PITPNC1: variants seen among roughly 807,000 people sequenced by gnomAD.
PITPNC1 encodes the protein phosphatidylinositol transfer protein cytoplasmic 1.
A neutral mutation model predicts 44.7 loss-of-function variants in PITPNC1; 18 were observed. The ratio of observed to expected loss-of-function variants is 0.40; its 90% CI spans 0.28 to 0.60. The LOEUF (loss-of-function observed/expected upper bound fraction) is 0.60. Ranked by LOEUF, PITPNC1 falls within the 20% of genes least tolerant of loss-of-function variation. The pLI, the probability that PITPNC1 is intolerant of heterozygous loss-of-function variation, is 0.39. For missense variants in PITPNC1, 290 were observed against 418.4 expected (o/e 0.69, Z 2.68); for synonymous variants, 141 against 149.6 (o/e 0.94, Z 0.42).
At chr17:67,609,312 CAG>C (rs1220737412) in intron 5 of PITPNC1, among the ~76,000 whole-genome samples, 2 of 125,746 alleles carry the variant, frequency 1.6e-5, no homozygotes, top group Non-Finnish European at 3.2e-5. Flanking sequence ...TTTTTTGAGA[CAG>C]AGTCTCACTC....
At chr17:67,549,611 A>G (rs2040730834) in intron 2 of PITPNC1, among the ~76,000 whole-genome samples, 2 of 152,102 alleles carry the variant, frequency 1.3e-5, no homozygotes, top group African/African-American at 4.8e-5. Flanking sequence ...CTTCCAGAAA[A>G]TGACTGTGGC....
chr17:67,449,559 G>GA (rs1567994092), intron 1 of PITPNC1, among the ~76,000 whole-genome samples: 1 of 152,084 alleles, frequency 6.6e-6, no homozygotes, highest in Non-Finnish European at 1.5e-5. Flanking sequence ...AGATAGCAAA[G>GA]AAAAAAATCT....
intron 6 of PITPNC1, among the ~76,000 whole-genome samples, chr17:67,654,768 G>A (rs2042245175): frequency 6.6e-6 from 1 of 152,148 alleles, no homozygotes; most frequent in African/African-American, 2.4e-5. Context: ...GAGTAGCTGG[G>A]ACAACAGGAG....
chr17:67,473,321 A>C (rs1387896780), intron 1 of PITPNC1, among the ~76,000 whole-genome samples: 1 of 151,468 alleles, frequency 6.6e-6, no homozygotes, highest in African/African-American at 2.4e-5. Context: ...GGCGTGAGCC[A>C]CTTTACCTGG....
intron 5 of PITPNC1, among the ~76,000 whole-genome samples, chr17:67,596,763 A>C (rs1329739724): frequency 1.3e-5 from 2 of 152,170 alleles, no homozygotes; most frequent in African/African-American, 4.8e-5. Context: ...TCTGATTTCA[A>C]GACTGATTGT....
chr17:67,654,869 G>A (rs1352753951), intron 6 of PITPNC1, among the ~76,000 whole-genome samples: 1 of 152,148 alleles, frequency 6.6e-6, no homozygotes, highest in African/African-American at 2.4e-5. Context: ...TCCTGACCTC[G>A]TGATCTGCCC....
chr17:67,558,975 G>C (rs1382363639), intron 4 of PITPNC1, among the ~76,000 whole-genome samples: 1 of 152,166 alleles, frequency 6.6e-6, no homozygotes, highest in Non-Finnish European at 1.5e-5. Flanking sequence ...GTGAACCCGG[G>C]TTATCTGCCC....
intron 5 of PITPNC1, among the ~76,000 whole-genome samples, chr17:67,607,728 TTTC>T (rs1180013638): frequency 1.3e-5 from 2 of 149,024 alleles, no homozygotes; most frequent in African/African-American, 5.1e-5. Context: ...CTTTTTTTTC[TTTC>T]TTTTTTTTTT....
intron 5 of PITPNC1, among the ~76,000 whole-genome samples, chr17:67,591,211 A>G (rs944179051): frequency 1.3e-5 from 2 of 152,226 alleles, no homozygotes; most frequent in South Asian, 2.1e-4. Flanking sequence ...GGGATTCTAT[A>G]AAATAGCTGG....
chr17:67,546,774 G>A (rs1197308253), intron 2 of PITPNC1, among the ~76,000 whole-genome samples: 3 of 152,152 alleles, frequency 2.0e-5, no homozygotes, highest in African/African-American at 7.2e-5. Context: ...GCCAGTCCCT[G>A]CCGGGGAGGC....
rs3052411 is a variant in PITPNC1, at chr17:67,477,241, C to CT, written c.49-55539dup. On this transcript the variant is annotated intron_variant, in intron 1 of 8. Transcript: ENST00000581322. ...CAGGTGTGTGCCAACACACCCAGCT[C>CT]TTTTTTTTTTTTTTTTTTTTTTGAG... Among the ~76,000 whole-genome samples the CT allele has an allele frequency of 6.9e-3, 668 of 97,008 alleles. 14 individuals are homozygous for CT. The highest frequency in any genetic ancestry group is 8.4e-3 in the Non-Finnish European group (425 of 50,456). 63.6% of individuals were successfully genotyped at this position (97,008 alleles called of 152,430 possible). A position where few individuals can be genotyped will look rare whatever the true frequency, so the allele number is the denominator to read the frequency against.
At chr17:67,514,667 A>G (rs2040235056) in intron 1 of PITPNC1, among the ~76,000 whole-genome samples, 1 of 151,788 alleles carries the variant, frequency 6.6e-6, no homozygotes, top group African/African-American at 2.4e-5. Flanking sequence ...TCTACTAAAA[A>G]ATACAAAAAA....
At chr17:67,592,483 CAT>C (rs1441504216) in intron 5 of PITPNC1, among the ~76,000 whole-genome samples, 2 of 152,094 alleles carry the variant, frequency 1.3e-5, no homozygotes, top group Non-Finnish European at 2.9e-5. Context: ...ACAGGATTGT[CAT>C]AAATTGTAAA....
intron 6 of PITPNC1, among the ~76,000 whole-genome samples, chr17:67,643,884 C>T (rs1304515342): frequency 3.3e-5 from 5 of 152,158 alleles, no homozygotes; most frequent in Non-Finnish European, 7.3e-5. Context: ...CCGTGGAAAC[C>T]ATGTGTCTTT....
chr17:67,669,692 T>C lies in PITPNC1; in HGVS notation c.618+29T>C, dbSNP rs370089024. The C allele has an allele frequency of 2.0e-6, 3 of 1,533,850 alleles. No homozygotes were observed. The African/African-American group carries it at 4.1e-5, about 21-fold the overall frequency. On this transcript the variant is annotated intron_variant, in intron 7 of 8. Coordinates refer to ENST00000581322, the MANE Select transcript of PITPNC1 (RefSeq NM_012417.4). The stretch of plus-strand genomic sequence containing the variant: ...AGTGGTCCAACAGCAGTTCCTGGGC[T>C]GTGGACAAGGTAACTGTCTATATTG...
At chr17:67,425,287 C>T (rs973632714) in intron 1 of PITPNC1, among the ~76,000 whole-genome samples, 4 of 142,262 alleles carry the variant, frequency 2.8e-5, no homozygotes, top group Non-Finnish European at 4.6e-5. Context: ...AGAGAAATGA[C>T]CTCTCTAGAG....
chr17:67,481,171 C>T (rs8077271), intron 1 of PITPNC1, among the ~76,000 whole-genome samples: 49,382 of 152,176 alleles, frequency 0.32, 8,366 homozygotes, highest in Non-Finnish European at 0.38. Context: ...CGTGCCACTG[C>T]ACCTCCAGCC....
At chr17:67,469,010 T>C (rs1329481131) in intron 1 of PITPNC1, among the ~76,000 whole-genome samples, 3 of 151,862 alleles carry the variant, frequency 2.0e-5, no homozygotes, top group Admixed American at 6.6e-5. Flanking sequence ...ATTACAGGAG[T>C]CAGCCACTGC....
rs531462270 is a variant in PITPNC1 at position 67,447,934 on chromosome 17, CTCCTTCCT to C, written c.48+69743_48+69750del. On this transcript the variant is annotated intron_variant, in intron 1 of 8. Coordinates refer to ENST00000581322, the MANE Select transcript of PITPNC1 (RefSeq NM_012417.4). ...TCTCTCTCTGTCTCTCTCTTTCTTTCTCCTTCCTTCCTTCCTTCTTTCTTTCTTTCAGA... is the reference window on the plus strand; with the variant it reads ...TCTCTCTCTGTCTCTCTCTTTCTTTCTCCTTCCTTCTTTCTTTCTTTCAGA... Among the ~76,000 whole-genome samples, 36 of 150,420 alleles carry C rather than the reference CTCCTTCCT, an allele frequency of 2.4e-4. 1 individual carries two copies. The South Asian group carries it at 7.6e-3, about 32-fold the overall frequency.
Sources: gnomAD v4.1 joint callset for allele counts (sites outside exome capture counted in the v4.1 genomes callset) on GRCh38, gnomAD v4.1.1 for gene constraint, MANE v1.5 for transcripts, NCBI Gene and HGNC (gene_info 2026-07-23, HGNC 2026-07-21) for gene names.